The following CLVS1 variants were observed in gnomAD, a reference collection of about 807,000 sequenced individuals.
CLVS1 encodes the protein clavesin-1.
CLVS1 carries 10 observed loss-of-function variants against 33.1 expected under a neutral mutation model. The observed-to-expected ratio is 0.30, with a 90% CI of 0.19 to 0.51. CLVS1 has a LOEUF of 0.51. CLVS1 is among the 20% of genes least tolerant of loss of function. The pLI, the probability that CLVS1 is intolerant of heterozygous loss-of-function variation, is 0.97. For missense variants in CLVS1, 343 were observed against 433.4 expected, an observed-to-expected ratio of 0.79 and a Z score of 1.85; for synonymous variants, 163 against 166.1, an observed-to-expected ratio of 0.98 and a Z score of 0.14.
rs138673233 is a variant in CLVS1, at chr8:61,069,578, T to C, written c.-243+12348T>C. On this transcript the variant is annotated intron_variant, in intron 1 of 2. Transcript: ENST00000522621. ...CCCTGTGGCTGGGCTTGTGTCTTCCTCTGCATCTCATGCACCTTGCCTTGT... is the reference window on the plus strand; with the variant it reads ...CCCTGTGGCTGGGCTTGTGTCTTCCCCTGCATCTCATGCACCTTGCCTTGT... 4.9e-3 allele frequency among the ~76,000 whole-genome samples: 753 copies of C among 152,284 alleles called. 2 individuals are homozygous for C. The highest frequency in any genetic ancestry group is 7.4e-3 in the Non-Finnish European group (504 of 68,028).
chr8:61,164,317 AG>A (rs373529982), intron 2 of CLVS1, among the ~76,000 whole-genome samples: 391 of 152,280 alleles, frequency 2.6e-3, no homozygotes, highest in African/African-American at 9.0e-3. Context: ...AGGGAGGAAA[AG>A]GGTCCTTGGG....
intron 2 of CLVS1, among the ~76,000 whole-genome samples, chr8:61,212,106 A>C (rs1335366406): frequency 6.6e-6 from 1 of 152,212 alleles, no homozygotes; most frequent in Admixed American, 6.5e-5. Context: ...GTTTTAAGCC[A>C]CTGAGCTTGC....
intron 5 of CLVS1, among the ~76,000 whole-genome samples, chr8:61,492,034 C>T (rs1804106421): frequency 6.6e-6 from 1 of 152,158 alleles, no homozygotes; most frequent in Admixed American, 6.5e-5. Flanking sequence ...ACAGCGAGTG[C>T]TAGTGATGAC....
At chr8:61,291,181 G>A (rs1352192908) in intron 1 of CLVS1, among the ~76,000 whole-genome samples, 1 of 152,076 alleles carries the variant, frequency 6.6e-6, no homozygotes. Context: ...ACCTTCTCAG[G>A]TCAGGTTGCC....
intron 1 of CLVS1, among the ~76,000 whole-genome samples, chr8:61,125,882 C>T (rs1805959530): frequency 6.6e-6 from 1 of 152,080 alleles, no homozygotes; most frequent in South Asian, 2.1e-4. Flanking sequence ...TATATAAATG[C>T]TCTTAATTCA....
intron 2 of CLVS1, among the ~76,000 whole-genome samples, chr8:61,237,487 T>G (rs909001148): frequency 1.3e-5 from 2 of 152,172 alleles, no homozygotes; most frequent in African/African-American, 4.8e-5. Flanking sequence ...AGAAAAGTTC[T>G]TCTCTACTTT....
At position 61,158,984 on chromosome 8, in the gene CLVS1, G is replaced by C. The variant is rs540409940; in HGVS notation, c.-152+27124G>C. On this transcript the variant is annotated intron_variant, in intron 2 of 2. Transcript: ENST00000522621. ...TAGGACTACAGGCATGGGCCACCAT[G>C]CTCTGCTAATTATAGCTGGGACTAC... 2.0e-4 allele frequency among the ~76,000 whole-genome samples: 31 copies of C among 152,228 alleles called. 1 individual carries two copies. In the East Asian group the frequency reaches 5.8e-3, roughly 28 times the overall value.
intron 5 of CLVS1, among the ~76,000 whole-genome samples, chr8:61,496,639 G>A (rs901426284): frequency 1.2e-4 from 17 of 138,366 alleles, no homozygotes; most frequent in Admixed American, 9.9e-4. Flanking sequence ...GGTATATAAG[G>A]TTGGACTGTT....
chr8:61,430,297 A>G (rs1480928698), intron 3 of CLVS1, among the ~76,000 whole-genome samples: 1 of 152,242 alleles, frequency 6.6e-6, no homozygotes, highest in East Asian at 1.9e-4. Flanking sequence ...ATTTTATGGA[A>G]CCATGTGGTA....
chr8:61,097,342 T>C (rs900843177), intron 1 of CLVS1, among the ~76,000 whole-genome samples: 1 of 151,348 alleles, frequency 6.6e-6, no homozygotes, highest in Non-Finnish European at 1.5e-5. Flanking sequence ...AATAAACAAA[T>C]AATAAATAAA....
At chr8:61,218,562 T>A (rs1468915651) in intron 2 of CLVS1, among the ~76,000 whole-genome samples, 1 of 151,854 alleles carries the variant, frequency 6.6e-6, no homozygotes, top group East Asian at 1.9e-4. Flanking sequence ...ATTACCCTGA[T>A]CTGATTACCA....
intron 2 of CLVS1, among the ~76,000 whole-genome samples, chr8:61,232,065 C>T (rs1333250688): frequency 1.6e-4 from 8 of 50,362 alleles, no homozygotes; most frequent in Non-Finnish European, 2.3e-4. Context: ...GATGGAGTCT[C>T]GCTCTGTTGC....
At chr8:61,498,051 T>A (rs1167109744) in intron 5 of CLVS1, among the ~76,000 whole-genome samples, 1 of 152,152 alleles carries the variant, frequency 6.6e-6, no homozygotes, top group Non-Finnish European at 1.5e-5. Context: ...TTTGCTAACC[T>A]CCTATCTCAT....
intron 2 of CLVS1, among the ~76,000 whole-genome samples, chr8:61,321,710 A>G (rs1811200221): frequency 6.6e-6 from 1 of 152,040 alleles, no homozygotes; most frequent in African/African-American, 2.4e-5. Flanking sequence ...AGTTCCAGAG[A>G]TGTCATATCC....
chr8:61,177,896 T>C (rs1807149293), intron 2 of CLVS1, among the ~76,000 whole-genome samples: 1 of 150,204 alleles, frequency 6.7e-6, no homozygotes, highest in African/African-American at 2.5e-5. Context: ...AAAGAATCAA[T>C]GAAAAAATGC....
chr8:61,449,784 G>A (rs1816888297), intron 3 of CLVS1, among the ~76,000 whole-genome samples: 1 of 152,076 alleles, frequency 6.6e-6, no homozygotes, highest in Non-Finnish European at 1.5e-5. Context: ...TCTCTATTGT[G>A]TCCTTCCTTG....
chr8:61,029,315 G>T, the CLVS1 span, among the ~76,000 whole-genome samples: 1 of 152,230 alleles, frequency 6.6e-6, no homozygotes, highest in Non-Finnish European at 1.5e-5. Context: ...TCCTGCCAAA[G>T]TCTGGTTTAC....
At chr8:60,980,901 T>C in the CLVS1 span, among the ~76,000 whole-genome samples, 12 of 150,862 alleles carry the variant, frequency 8.0e-5, no homozygotes, top group Non-Finnish European at 1.3e-4. Flanking sequence ...GAAAGCACCC[T>C]CATAAGAGAG....
Position 61,112,493 on chromosome 8 carries a change from C to T in CLVS1, c.-242-19277C>T, listed in dbSNP as rs59832691. On this transcript the variant is annotated intron_variant, in intron 1 of 2. Coordinates refer to the CLVS1 transcript ENST00000522621. ...AATTGTGAAACTTTCCACATTTTTA[C>T]AAGTTTGGAATAATTCAATAGGCAG... 5.7e-3 allele frequency among the ~76,000 whole-genome samples: 875 copies of T among 152,270 alleles called. 5 individuals are homozygous for T. The highest frequency in any genetic ancestry group is 0.019 in the African/African-American group (776 of 41,544).
Sources: gnomAD v4.1 joint callset for allele counts (sites outside exome capture counted in the v4.1 genomes callset) on GRCh38, gnomAD v4.1.1 for gene constraint, MANE v1.5 for transcripts, NCBI Gene and HGNC (gene_info 2026-07-23, HGNC 2026-07-21) for gene names.